Variants in PLEKHH2 observed in about 807,000 individuals in gnomAD.
PLEKHH2 encodes the protein pleckstrin homology domain-containing family H member 2.
A neutral mutation model predicts 187.9 loss-of-function variants in PLEKHH2; 129 were observed. That is an observed-to-expected ratio of 0.69 (90% confidence interval 0.59 to 0.79). The LOEUF is 0.79. PLEKHH2 is among the 30% of genes least tolerant of loss of function. PLEKHH2 has a pLI of 0.00. For missense variants in PLEKHH2, 2,076 were observed against 1,751.2 expected (o/e 1.19, Z -3.31); for synonymous variants, 686 against 605.6 (o/e 1.13, Z -1.95).
intron 16 of PLEKHH2, among the ~76,000 whole-genome samples, chr2:43,723,799 G>A (rs982311527): frequency 7.2e-5 from 11 of 152,164 alleles, no homozygotes; most frequent in South Asian, 2.1e-4. Flanking sequence ...GGCTTTGAGC[G>A]GAACAGGGAC....
At chr2:43,686,348 C>G (rs1354647884) in intron 3 of PLEKHH2, among the ~76,000 whole-genome samples, 1 of 152,168 alleles carries the variant, frequency 6.6e-6, no homozygotes, top group Non-Finnish European at 1.5e-5. Context: ...AGGTGCATGC[C>G]ACCACACCTG....
intron 2 of PLEKHH2, among the ~76,000 whole-genome samples, chr2:43,670,481 A>C (rs1371976353): frequency 4.6e-5 from 7 of 152,204 alleles, no homozygotes; most frequent in Non-Finnish European, 8.8e-5. Context: ...ATTGAAAAAA[A>C]ATTGATTGCA....
At chr2:43,746,029 A>G (rs1282125484) in intron 24 of PLEKHH2, 66 bp downstream of exon 24, 14 of 1,005,018 alleles carry the variant, frequency 1.4e-5, no homozygotes, top group Middle Eastern at 4.2e-4. Context: ...TGCACCTACT[A>G]TTTACCTTTC....
intron 2 of PLEKHH2, among the ~76,000 whole-genome samples, chr2:43,646,277 A>G (rs1666180929): frequency 6.6e-6 from 1 of 152,190 alleles, no homozygotes; most frequent in Admixed American, 6.5e-5. Context: ...CTCTTCTGTC[A>G]ATGAAAATCA....
intron 24 of PLEKHH2, among the ~76,000 whole-genome samples, chr2:43,750,630 A>G (rs2104611716): frequency 6.6e-6 from 1 of 152,310 alleles, no homozygotes; most frequent in African/African-American, 2.4e-5. Context: ...GCATTCTTAC[A>G]TAATCCTTAC....
In PLEKHH2 at chr2:43,758,866, G is replaced by A. The variant is rs1672319493; in HGVS notation, c.3942-34G>A. 4 of 1,536,744 alleles carry A rather than the reference G, an allele frequency of 2.6e-6. No individual in the cohort carries two copies. The South Asian group carries it at 3.7e-5, about 14-fold the overall frequency. On this transcript the variant is annotated intron_variant, in intron 26 of 29. Coordinates refer to ENST00000282406, the MANE Select transcript of PLEKHH2 (RefSeq NM_172069.4). ...ACACACTGTTTATGTTTTTGCTTTA[G>A]TGTTTTTGTTTTTGTTCTTTTCTTT...
chr2:43,712,441 C>G lies in PLEKHH2; in HGVS notation c.2460+58C>G, dbSNP rs1025930371. 8 of 1,540,184 alleles carry G rather than the reference C, an allele frequency of 5.2e-6. No homozygotes were observed. In the Admixed American group the frequency reaches 1.6e-4, roughly 31 times the overall value. On this transcript the variant is annotated intron_variant, in intron 15 of 29. Coordinates refer to ENST00000282406, the MANE Select transcript of PLEKHH2 (RefSeq NM_172069.4). ...GCAGCTATGGGCATGAGCCCATGAT[C>G]GCTGAAAATGGGATGTCAGAGCATA...
At chr2:43,729,614 A>C (rs1670940092) in intron 17 of PLEKHH2, 23 bp from the exon 18 acceptor site, 2 of 1,469,428 alleles carry the variant, frequency 1.4e-6, no homozygotes, top group Non-Finnish European at 1.8e-6. Context: ...CTTAACATTT[A>C]ATTAATATGT....
In PLEKHH2 at chr2:43,691,227, A is replaced by C. The variant is rs74754373; in HGVS notation, c.187-1287A>C. Among the ~76,000 whole-genome samples, 1,014 of 152,278 alleles carry C rather than the reference A, an allele frequency of 6.7e-3. 10 individuals carry two copies. Among genetic ancestry groups the C allele is most frequent in the African/African-American group, 0.023 (969 of 41,548 alleles). On this transcript the variant is annotated intron_variant, in intron 3 of 29. Transcript: ENST00000282406. ...ACCAGGAAGAAGTAGTTGCACGGAC[A>C]CTCAAAGAATGAGCAAGGCAGGAAG... is the stretch of plus-strand genomic sequence containing the variant.
chr2:43,725,461 G>T (rs1002361296), intron 16 of PLEKHH2, among the ~76,000 whole-genome samples: 11 of 152,274 alleles, frequency 7.2e-5, no homozygotes, highest in African/African-American at 2.4e-4. Flanking sequence ...TCTTATCTGT[G>T]TTTCACTGTC....
intron 16 of PLEKHH2, among the ~76,000 whole-genome samples, chr2:43,725,945 C>A (rs1483887098): frequency 6.2e-5 from 9 of 145,000 alleles, no homozygotes; most frequent in African/African-American, 2.4e-4. Context: ...ACCCTATCTC[C>A]AAAAAAAAAT....
intron 2 of PLEKHH2, among the ~76,000 whole-genome samples, chr2:43,678,281 A>G (rs1215124505): frequency 6.6e-6 from 1 of 151,958 alleles, no homozygotes; most frequent in Non-Finnish European, 1.5e-5. Flanking sequence ...GGCCAGGCAG[A>G]GACGCTCCTC....
In PLEKHH2 at chr2:43,694,531, GT is replaced by G; in HGVS notation, c.420+21del. ...TTAAATGAGGTATTTATTGCTATAT[GT>G]TTTCCTTTTCTTTACCTTTTACTTC... On this transcript the variant is annotated intron_variant, in intron 5 of 29. Coordinates refer to ENST00000282406, the MANE Select transcript of PLEKHH2 (RefSeq NM_172069.4). 2 of 1,523,146 alleles carry G rather than the reference GT, an allele frequency of 1.3e-6. No individual in the cohort carries two copies. Among genetic ancestry groups the G allele is most frequent in the East Asian group, 2.4e-5 (1 of 41,306 alleles). 94.4% of individuals were successfully genotyped at this position (1,523,146 alleles called of 1,614,324 possible).
At chr2:43,677,889 C>A (rs1436734194) in intron 2 of PLEKHH2, among the ~76,000 whole-genome samples, 3 of 147,306 alleles carry the variant, frequency 2.0e-5, no homozygotes, top group Non-Finnish European at 4.5e-5. Context: ...CTGATCTCCC[C>A]ACCTCCCTCC....
intron 2 of PLEKHH2, among the ~76,000 whole-genome samples, chr2:43,660,074 C>T (rs1169529121): frequency 6.6e-6 from 1 of 152,180 alleles, no homozygotes; most frequent in Non-Finnish European, 1.5e-5. Context: ...CCCTGGCAAT[C>T]ACTGATATAG....
Position 43,652,145 on chromosome 2 carries a change from T to C in PLEKHH2, c.123+7349T>C, listed in dbSNP as rs74926338. Among the ~76,000 whole-genome samples the C allele has an allele frequency of 7.7e-4, 118 of 152,302 alleles. 1 individual carries two copies. The East Asian group carries it at 0.022, about 28-fold the overall frequency. On this transcript the variant is annotated intron_variant, in intron 2 of 29. Coordinates refer to ENST00000282406, the MANE Select transcript of PLEKHH2 (RefSeq NM_172069.4). ...GGACTAGTGCACTCCAATTCACTTA[T>C]TCAATTTTGTAAGAGAATAACTTTT...
At position 43,738,421 on chromosome 2, in the gene PLEKHH2, A is replaced by G. The variant is rs1004626732; in HGVS notation, c.3024A>G (p.Gln1008=). The G allele has an allele frequency of 2.0e-5, 33 of 1,613,988 alleles. No individual in the cohort carries two copies. Among genetic ancestry groups the G allele is most frequent in the Non-Finnish European group, 2.7e-5 (32 of 1,179,976 alleles). The change falls in exon 20 of 30, where the codon CAA becomes CAG. Residue 1008 remains glutamine, a synonymous_variant. Transcript: ENST00000282406. ...YHISLAQSAL[Q]ICLTHPELQN... ...TATCTTTAGCCCAGAGTGCTTTGCA[A>G]ATCTGCCTGACACATCCTGAGCTGC...
chr2:43,679,817 T>A (rs1228477570), intron 3 of PLEKHH2, among the ~76,000 whole-genome samples: 1 of 152,152 alleles, frequency 6.6e-6, no homozygotes, highest in East Asian at 1.9e-4. Flanking sequence ...TTGAGTTTTT[T>A]AATATAACTT....
intron 16 of PLEKHH2, 66 bp from the exon 17 acceptor site, chr2:43,726,206 A>G: frequency 7.3e-6 from 8 of 1,091,216 alleles, no homozygotes; most frequent in South Asian, 3.2e-5. Flanking sequence ...GAAAAGGACT[A>G]TGAAATGTTT....
Sources: allele counts gnomAD v4.1 joint callset (sites outside exome capture counted in the v4.1 genomes callset), GRCh38; gene constraint gnomAD v4.1.1; transcripts MANE v1.5; gene names NCBI Gene and HGNC (gene_info 2026-07-23, HGNC 2026-07-21).